Variants in FTO observed in about 807,000 individuals in gnomAD.
FTO encodes the protein FTO alpha-ketoglutarate dependent dioxygenase.
In FTO, 47 loss-of-function variants were observed where a neutral mutation model predicts 63.9. The ratio of observed to expected loss-of-function variants is 0.74; its 90% CI spans 0.58 to 0.94. FTO has a LOEUF of 0.94. Among genes scored for constraint, FTO ranks in the 40% least tolerant of loss-of-function variants. FTO has a pLI of 0.00. For missense variants in FTO, 562 were observed against 618.1 expected (o/e 0.91, Z 0.96); for synonymous variants, 207 against 224.4 (o/e 0.92, Z 0.69).
intron 8 of FTO, among the ~76,000 whole-genome samples, chr16:54,056,651 G>C (rs1211126046): frequency 6.6e-6 from 1 of 152,172 alleles, no homozygotes; most frequent in Non-Finnish European, 1.5e-5. Flanking sequence ...GAAGCCTCCA[G>C]CCAACAGCCA....
chr16:54,081,536 C>T (rs1442638695), intron 8 of FTO, among the ~76,000 whole-genome samples: 1 of 152,152 alleles, frequency 6.6e-6, no homozygotes, highest in Non-Finnish European at 1.5e-5. Context: ...AGACACTGGC[C>T]ATGTTCAGTC....
At chr16:53,839,035 G>A (rs188337750) in intron 3 of FTO, among the ~76,000 whole-genome samples, 8 of 152,204 alleles carry the variant, frequency 5.3e-5, no homozygotes, top group Admixed American at 2.0e-4. Context: ...CTGTAGAGCC[G>A]TGGTTATAAT....
intron 8 of FTO, chr16:54,008,439 C>T (rs552092801): frequency 5.4e-5 from 8 of 149,196 alleles, no homozygotes; most frequent in South Asian, 2.1e-4. Context: ...GTATAAGCTT[C>T]GTTTATACTT....
At chr16:53,729,114 C>T (rs1295073769) in intron 1 of FTO, among the ~76,000 whole-genome samples, 1 of 151,958 alleles carries the variant, frequency 6.6e-6, no homozygotes. Context: ...TCACCTTTGT[C>T]CTAATGTCTT....
chr16:53,940,691 T>G (rs1449850966), intron 8 of FTO, among the ~76,000 whole-genome samples: 1 of 152,216 alleles, frequency 6.6e-6, no homozygotes, highest in Non-Finnish European at 1.5e-5. Context: ...GTGCTGAGAT[T>G]CATTTCAACT....
intron 8 of FTO, among the ~76,000 whole-genome samples, chr16:54,018,056 C>T (rs1351896165): frequency 6.6e-6 from 1 of 151,910 alleles, no homozygotes; most frequent in Non-Finnish European, 1.5e-5. Flanking sequence ...TTATCATCAT[C>T]ATCATCATCA....
chr16:53,749,888 T>C (rs1004305654), intron 1 of FTO, among the ~76,000 whole-genome samples: 7 of 152,232 alleles, frequency 4.6e-5, no homozygotes, highest in Non-Finnish European at 1.0e-4. Context: ...TTTTTCTGCA[T>C]CTAATGAGAT....
chr16:53,809,677 C>T (rs903917603), intron 1 of FTO, among the ~76,000 whole-genome samples: 1 of 152,182 alleles, frequency 6.6e-6, no homozygotes, highest in African/African-American at 2.4e-5. Flanking sequence ...TGCCATGACT[C>T]ATGCCTGTAA....
chr16:53,775,371 T>G (rs958591893), intron 1 of FTO, among the ~76,000 whole-genome samples: 10 of 152,164 alleles, frequency 6.6e-5, no homozygotes, highest in Non-Finnish European at 1.3e-4. Flanking sequence ...CTGTAACTCT[T>G]GATTCCTTTT....
At chr16:53,884,143 A>C (rs1390429429) in intron 6 of FTO, among the ~76,000 whole-genome samples, 1 of 152,210 alleles carries the variant, frequency 6.6e-6, no homozygotes, top group Non-Finnish European at 1.5e-5. Flanking sequence ...CTAACTAAGC[A>C]GTTTCGGAAG....
intron 8 of FTO, among the ~76,000 whole-genome samples, chr16:53,948,263 C>A (rs1020344601): frequency 9.9e-5 from 15 of 152,168 alleles, no homozygotes; most frequent in Non-Finnish European, 1.9e-4. Flanking sequence ...AGGCACCGGG[C>A]TTTCTGAAGG....
intron 1 of FTO, among the ~76,000 whole-genome samples, chr16:53,752,546 CT>C (rs1186539555): frequency 6.6e-6 from 1 of 152,134 alleles, no homozygotes; most frequent in Non-Finnish European, 1.5e-5. Flanking sequence ...CAAATATTAT[CT>C]TTAAAATTAA....
intron 1 of FTO, among the ~76,000 whole-genome samples, chr16:53,731,543 C>T (rs1352592598): frequency 6.6e-6 from 1 of 151,946 alleles, no homozygotes; most frequent in Non-Finnish European, 1.5e-5. Flanking sequence ...TTCATTGTTA[C>T]CTTCTTTTTT....
intron 8 of FTO, among the ~76,000 whole-genome samples, chr16:53,978,809 C>A (rs1459970682): frequency 6.6e-6 from 1 of 152,038 alleles, no homozygotes; most frequent in East Asian, 1.9e-4. Flanking sequence ...CCAGCCTGGC[C>A]AACATGGTGA....
At chr16:53,819,795 A>G (rs977293857) in intron 2 of FTO, among the ~76,000 whole-genome samples, 1 of 152,160 alleles carries the variant, frequency 6.6e-6, no homozygotes, top group Non-Finnish European at 1.5e-5. Context: ...TTCCAGAGGC[A>G]TACAACCATC....
intron 1 of FTO, among the ~76,000 whole-genome samples, chr16:53,736,397 C>T (rs2076392406): frequency 6.6e-6 from 1 of 151,698 alleles, no homozygotes; most frequent in South Asian, 2.1e-4. Flanking sequence ...GTAGTTTCTG[C>T]CCTCACCCAA....
intron 1 of FTO, among the ~76,000 whole-genome samples, chr16:53,719,507 G>A (rs1019686250): frequency 6.6e-6 from 1 of 151,214 alleles, no homozygotes; most frequent in Admixed American, 6.6e-5. Flanking sequence ...GGTTTACTAG[G>A]GTAGAATTGT....
At chr16:53,952,067 A>G (rs996476987) in intron 8 of FTO, among the ~76,000 whole-genome samples, 2 of 152,218 alleles carry the variant, frequency 1.3e-5, no homozygotes, top group African/African-American at 4.8e-5. Flanking sequence ...TATGCCAGGT[A>G]CTATTCTACG....
intron 1 of FTO, among the ~76,000 whole-genome samples, chr16:53,734,694 A>G (rs2076350045): frequency 6.6e-6 from 1 of 152,238 alleles, no homozygotes; most frequent in Non-Finnish European, 1.5e-5. Context: ...AAATGCAGGT[A>G]CTTTCCAGTT....
Sources: gnomAD v4.1 joint callset for allele counts (sites outside exome capture counted in the v4.1 genomes callset) on GRCh38, gnomAD v4.1.1 for gene constraint, MANE v1.5 for transcripts, NCBI Gene and HGNC (gene_info 2026-07-23, HGNC 2026-07-21) for gene names.